Variants in ARAP3 observed in about 807,000 individuals in gnomAD.
The protein encoded by ARAP3 is ArfGAP with RhoGAP domain, ankyrin repeat and PH domain 3.
Under a neutral mutation model 169.2 loss-of-function variants are expected in ARAP3, and 82 were observed. The ratio of observed to expected loss-of-function variants is 0.48; its 90% CI spans 0.41 to 0.58. The LOEUF (loss-of-function observed/expected upper bound fraction) is 0.58. ARAP3 is among the 20% of genes least tolerant of loss of function. The probability of loss-of-function intolerance (pLI) is 0.00; values close to 1 mark genes in which losing one functional copy is unlikely to be tolerated. For missense variants in ARAP3, 1,764 were observed against 2,018.0 expected (o/e 0.87, Z 2.41); for synonymous variants, 791 against 800.3 (o/e 0.99, Z 0.20).
intron 22 of ARAP3, 106 bp downstream of exon 22, chr5:141,659,673 C>G: frequency 2.0e-6 from 3 of 1,499,064 alleles, no homozygotes; most frequent in Non-Finnish European, 2.7e-6. Flanking sequence ...AGCTGGCCAC[C>G]AGAGGCCTGG....
chr5:141,655,034 C>G (rs141266939), intron 32 of ARAP3, among the ~76,000 whole-genome samples: 1 of 151,944 alleles, frequency 6.6e-6, no homozygotes, highest in Admixed American at 6.6e-5. Flanking sequence ...CCACTGTGCC[C>G]GACCTTTCTC....
Position 141,670,524 on chromosome 5 carries a change from T to A in ARAP3, c.2095A>T (p.Arg699Trp). The A allele has an allele frequency of 1.2e-6, 2 of 1,613,910 alleles. No individual in the cohort carries two copies. Among genetic ancestry groups the A allele is most frequent in the Non-Finnish European group, 1.7e-6 (2 of 1,179,878 alleles). Residue 699 changes from arginine (R) to tryptophan (W), a missense_variant, in exon 14 of 33, where the codon AGG becomes TGG. Transcript: ENST00000239440. Reference sequence around the variant, plus strand: ...GGCTCCCCCTCACCATCCCGGCCCCTGCGAGGGGGTGAGGGTCCAGCTTTG... The same window carrying A: ...GGCTCCCCCTCACCATCCCGGCCCCAGCGAGGGGGTGAGGGTCCAGCTTTG... Reference protein sequence around the residue: ...SNKAGPSPPRRGRDAPPRLWC... With the variant: ...SNKAGPSPPRWGRDAPPRLWC...
At chr5:141,673,862 C>G (rs1033729444) in intron 4 of ARAP3, 54 bp from the exon 5 acceptor site, 4 of 1,555,204 alleles carry the variant, frequency 2.6e-6, no homozygotes, top group Middle Eastern at 4.2e-4. Flanking sequence ...CCCCGGACAC[C>G]CTCTTTGTAC....
At chr5:141,661,849 C>G (rs918329890) in intron 20 of ARAP3, 60 bp from the exon 21 acceptor site, 84 of 1,577,152 alleles carry the variant, frequency 5.3e-5, no homozygotes, top group Admixed American at 2.8e-4. Flanking sequence ...GCAGCTGGTA[C>G]AGAGGGAGGG....
chr5:141,660,832 A>G (rs1015620489), intron 21 of ARAP3, among the ~76,000 whole-genome samples: 9 of 152,040 alleles, frequency 5.9e-5, no homozygotes, highest in Non-Finnish European at 1.2e-4. Context: ...TCTCCCCAGA[A>G]TTGCTCAAAG....
chr5:141,655,993 T>C (rs1487364702), intron 29 of ARAP3, 61 bp from the exon 30 acceptor site: 5 of 1,613,230 alleles, frequency 3.1e-6, no homozygotes, highest in Non-Finnish European at 3.4e-6. Flanking sequence ...GAATGGAGCA[T>C]ACAAAGAGGG....
intron 6 of ARAP3, 42 bp downstream of exon 6, chr5:141,673,359 C>A: frequency 6.2e-7 from 1 of 1,612,750 alleles, no homozygotes; most frequent in Non-Finnish European, 8.5e-7. Flanking sequence ...TCAGCCCTCC[C>A]TCTCCCTCAT....
At chr5:141,656,897 GC>G (rs1323393368) in intron 25 of ARAP3, 51 bp from the exon 26 acceptor site, 7 of 1,573,392 alleles carry the variant, frequency 4.4e-6, no homozygotes, top group South Asian at 1.2e-5. Flanking sequence ...TCCATACTAA[GC>G]CCCCAGCTCT....
At position 141,670,606 on chromosome 5, in the gene ARAP3, A is replaced by G. The variant is rs2099911293; in HGVS notation, c.2013T>C (p.Asn671=). Residue 671 remains asparagine, a synonymous_variant, in exon 14 of 33, where the codon AAT becomes AAC. Transcript: ENST00000239440. The stretch of plus-strand genomic sequence containing the variant: ...TGTAAGTAGCACGCACCACCACCTC[A>G]TTGTACACACCAGGGGAGGGGTCTG... ...LPSDPSPGVY[N]EVVVRATYSG... 2 of 1,613,956 alleles carry G rather than the reference A, an allele frequency of 1.2e-6. No homozygotes were observed. Among genetic ancestry groups the G allele is most frequent in the South Asian group, 1.1e-5 (1 of 91,078 alleles).
chr5:141,671,460 G>A lies in ARAP3; in HGVS notation c.1855-60C>T. 2 of 1,598,256 alleles carry A rather than the reference G, an allele frequency of 1.3e-6. No individual in the cohort carries two copies. The highest frequency in any genetic ancestry group is 1.7e-6 in the Non-Finnish European group (2 of 1,172,292). Reference sequence around the variant, plus strand: ...TCCCAAACTGAGAGCACTGGGGACAGTCGTATCATCACTAAAAACAGTCCC... The same window carrying A: ...TCCCAAACTGAGAGCACTGGGGACAATCGTATCATCACTAAAAACAGTCCC... On this transcript the variant is annotated intron_variant, in intron 12 of 32. Transcript: ENST00000239440. The surrounding 1 kb of genome is among the most constrained non-coding windows in gnomAD (Gnocchi z 4.9).
Position 141,671,334 on chromosome 5 carries a change from C to T in ARAP3, c.1921G>A (p.Ala641Thr). The change falls in exon 13 of 33, where the codon GCC (alanine) becomes ACC (threonine). Residue 641 changes from alanine to threonine, a missense_variant. Physicochemically the swap from Ala to Thr is moderately conservative, Grantham distance 58. Transcript: ENST00000239440. This position sits in a 1 kb window ranked among gnomAD's most constrained non-coding sequence, Gnocchi z 4.9. ...AACCAGGGCTCCTCGCCTTCAAAGG[C>T]CTCAACACAGAGGAGCTGGGTCATG... ...KNMTQLLCVE[A>T]FEGEEPWFPP... is the part of the protein sequence containing the mutation. The T allele has an allele frequency of 1.2e-6, 2 of 1,613,792 alleles. No individual in the cohort carries two copies. Among genetic ancestry groups the T allele is most frequent in the Non-Finnish European group, 1.7e-6 (2 of 1,179,874 alleles).
At chr5:141,665,696 C>A (rs755178217) in intron 17 of ARAP3, among the ~76,000 whole-genome samples, 1 of 151,962 alleles carries the variant, frequency 6.6e-6, no homozygotes, top group Non-Finnish European at 1.5e-5. Context: ...GCACCCAGTC[C>A]CCTCTCCCAG....
intron 4 of ARAP3, among the ~76,000 whole-genome samples, chr5:141,677,443 T>G (rs1328303999): frequency 6.6e-6 from 1 of 151,726 alleles, no homozygotes; most frequent in African/African-American, 2.4e-5. Flanking sequence ...CCAGCTCAGA[T>G]GGAAGCCCTC....
rs2099911711 is a variant in ARAP3 at position 141,673,424 on chromosome 5, G to C, written c.949C>G (p.Leu317Val). The change falls in exon 6 of 33, where the codon CTG becomes GTG. Residue 317 changes from leucine to valine, a missense_variant. Transcript: ENST00000239440. Reference protein sequence around the residue: ...RRFVQFNGRSLMYFGSDKDPF... With the variant: ...RRFVQFNGRSVMYFGSDKDPF... ...ACCTTGTCACTGCCAAAGTACATCA[G>C]ACTCCTCCCATTGAACTGCACAAAG... is the stretch of plus-strand genomic sequence containing the variant. The C allele has an allele frequency of 6.2e-7, 1 of 1,613,832 alleles. No individual in the cohort carries two copies. The highest frequency in any genetic ancestry group is 1.3e-5 in the African/African-American group (1 of 74,784).
chr5:141,655,148 T>C (rs2099909053), intron 32 of ARAP3, among the ~76,000 whole-genome samples: 1 of 147,592 alleles, frequency 6.8e-6, no homozygotes, highest in South Asian at 2.2e-4. Context: ...GCTCTCCCTC[T>C]CTCTCTCTCA....
In ARAP3 at chr5:141,659,824, C is replaced by T; in HGVS notation, c.3222G>A (p.Val1074=). Reference sequence around the variant, plus strand: ...CATCAATGAGCTCTTGCAGCACTCGCACCTCGTGCTCCCCTCGCCCATCCG... The same window carrying T: ...CATCAATGAGCTCTTGCAGCACTCGTACCTCGTGCTCCCCTCGCCCATCCG... ...FQTDGRGEHE[V]RVLQELIDGY... The change falls in exon 22 of 33, where the codon GTG becomes GTA. Residue 1074 remains valine (V), a synonymous_variant. Transcript: ENST00000239440. 1 of 1,612,102 alleles carries T rather than the reference C, an allele frequency of 6.2e-7. No individual in the cohort carries two copies. Among genetic ancestry groups the T allele is most frequent in the Non-Finnish European group, 8.5e-7 (1 of 1,179,360 alleles).
In ARAP3 at chr5:141,671,354, G is replaced by A. The variant is rs2099911419; in HGVS notation, c.1901C>T (p.Thr634Ile). 1.2e-6 allele frequency: 2 copies of A among 1,613,598 alleles called. No homozygotes were observed. The highest frequency in any genetic ancestry group is 1.3e-5 in the African/African-American group (1 of 74,904). The change falls in exon 13 of 33, where the codon ACC (threonine) becomes ATC (isoleucine). Residue 634 changes from threonine (T) to isoleucine (I), a missense_variant. Transcript: ENST00000239440. The surrounding 1 kb of genome is among the most constrained non-coding windows in gnomAD (Gnocchi z 4.9). ...VARPNLLKNM[T>I]QLLCVEAFEG... ...AAAGGCCTCAACACAGAGGAGCTGGGTCATGTTCTTCAGCAGGTTGGGTCT... is the reference window on the plus strand; with the variant it reads ...AAAGGCCTCAACACAGAGGAGCTGGATCATGTTCTTCAGCAGGTTGGGTCT...
chr5:141,672,750 C>G lies in ARAP3; in HGVS notation c.1269G>C (p.Lys423Asn). 1 of 1,602,588 alleles carries G rather than the reference C, an allele frequency of 6.2e-7. No individual in the cohort carries two copies. The highest frequency in any genetic ancestry group is 1.1e-5 in the South Asian group (1 of 90,910). Residue 423 changes from lysine to asparagine, a missense_variant, in exon 8 of 33, where the codon AAG (lysine) becomes AAC (asparagine). This residue lies in a region of ARAP3 where 630 missense variants were observed against 678.7 expected (regional missense o/e 0.93). Transcript: ENST00000239440. The surrounding 1 kb of genome is among the most constrained non-coding windows in gnomAD (Gnocchi z 4.9). ...GCCCGGCTCTCCTCACCTGCTCACT[C>G]TTGTACAGTGCCAGCTCTCCAGGGC... The part of the protein sequence containing the change: ...ALSPGELALY[K>N]SEQAFSLGIG...
At chr5:141,680,527 G>A (rs1215076547) in intron 1 of ARAP3, 24 bp from the exon 2 acceptor site, 1 of 1,545,358 alleles carries the variant, frequency 6.5e-7, no homozygotes, top group African/African-American at 1.3e-5. Flanking sequence ...CAGGGTGAAG[G>A]GAGGGCTCAG....
Sources: allele counts gnomAD v4.1 joint callset (sites outside exome capture counted in the v4.1 genomes callset), GRCh38; gene constraint gnomAD v4.1.1; regional missense constraint gnomAD v4.1.1; non-coding constraint Gnocchi (gnomAD v3.1); transcripts MANE v1.5; gene names NCBI Gene and HGNC (gene_info 2026-07-23, HGNC 2026-07-21).